NEXMIF: variants seen among roughly 807,000 people sequenced by gnomAD.
The protein encoded by NEXMIF is XLMR protein related to neurite extension.
A neutral mutation model predicts 62.1 loss-of-function variants in NEXMIF; 8 were observed. The ratio of observed to expected loss-of-function variants is 0.13; its 90% CI spans 0.08 to 0.23. The LOEUF (loss-of-function observed/expected upper bound fraction) is 0.23, where lower values mean the gene tolerates loss of function less well. NEXMIF is among the 10% of genes least tolerant of loss of function. The pLI, the probability that NEXMIF is intolerant of heterozygous loss-of-function variation, is 1.00. For synonymous variants in NEXMIF, 404 were observed against 416.6 expected (o/e 0.97, Z 0.37); for missense variants, 976 against 1,113.3 (o/e 0.88, Z 1.75).
intron 1 of NEXMIF, among the ~76,000 whole-genome samples, chrX:74,885,690 C>G (rs769768603): frequency 9.0e-6 from 1 of 111,480 alleles, no homozygotes; most frequent in African/African-American, 3.3e-5. Context: ...AGGGACCAGA[C>G]GGATTCACAG....
chrX:74,766,599 A>G lies in NEXMIF; in HGVS notation c.-47-20902T>C, dbSNP rs185392457. 2.2e-4 allele frequency among the ~76,000 whole-genome samples: 24 copies of G among 111,391 alleles called. No individual in the cohort carries two copies. In the East Asian group the frequency reaches 6.5e-3, roughly 30 times the overall value. On this transcript the variant is annotated intron_variant, in intron 1 of 3. Coordinates refer to ENST00000055682, the MANE Select transcript of NEXMIF (RefSeq NM_001008537.3). ...ATCAGATCTGTTAGTTTCCTTTTTT[A>G]TACTGGCTATTTCATCTGTCAGCTC...
intron 1 of NEXMIF, among the ~76,000 whole-genome samples, chrX:74,829,786 C>A (rs1009942867): frequency 3.6e-5 from 4 of 111,672 alleles, no homozygotes; most frequent in Non-Finnish European, 7.5e-5. Flanking sequence ...TACCTTTGAT[C>A]ATCTCTGATG....
rs2080088161 is a variant in NEXMIF at position 74,737,357 on chromosome X, T to C, written c.*2048A>G. On this transcript the variant is annotated 3_prime_UTR_variant, in exon 4 of 4. Coordinates refer to ENST00000055682, the MANE Select transcript of NEXMIF (RefSeq NM_001008537.3). ...GAGAAATAGAAGAAGGTTTTCCAGT[T>C]TGGTTATTTTCCCTTTTGAATGGTA... 8.9e-6 allele frequency: 1 copy of C among 111,817 alleles called. No individual in the cohort carries two copies. Among genetic ancestry groups the C allele is most frequent in the Non-Finnish European group, 1.9e-5 (1 of 53,160 alleles). 9.2% of individuals were successfully genotyped at this position (111,817 alleles called of 1,213,427 possible).
intron 1 of NEXMIF, among the ~76,000 whole-genome samples, chrX:74,841,265 T>A (rs982714257): frequency 8.9e-6 from 1 of 111,804 alleles, no homozygotes; most frequent in Non-Finnish European, 1.9e-5. Context: ...TCTTTCTGAT[T>A]TGGCTCTCGG....
chrX:74,857,981 G>A (rs1230643534), intron 1 of NEXMIF, among the ~76,000 whole-genome samples: 1 of 112,097 alleles, frequency 8.9e-6, no homozygotes, highest in Non-Finnish European at 1.9e-5. Flanking sequence ...CCTGATTTGA[G>A]TGCCAGCTCA....
intron 1 of NEXMIF, among the ~76,000 whole-genome samples, chrX:74,885,005 C>T (rs1251091964): frequency 9.0e-6 from 1 of 110,662 alleles, no homozygotes; most frequent in Non-Finnish European, 1.9e-5. Flanking sequence ...CTCAAAACCA[C>T]TCAACTACAT....
chrX:74,854,044 T>A (rs189608843), intron 1 of NEXMIF, among the ~76,000 whole-genome samples: 76 of 111,919 alleles, frequency 6.8e-4, no homozygotes, highest in Admixed American at 2.7e-3. Flanking sequence ...TTCAAAAAAA[T>A]TGAAGCAAAT....
At chrX:74,879,313 A>G (rs2080653165) in intron 1 of NEXMIF, among the ~76,000 whole-genome samples, 1 of 112,213 alleles carries the variant, frequency 8.9e-6, no homozygotes, top group East Asian at 2.8e-4. Flanking sequence ...GATGACAAAC[A>G]TTAATCTACA....
intron 1 of NEXMIF, among the ~76,000 whole-genome samples, chrX:74,796,209 T>TTATATATATACATATATAATA (rs1556024039): frequency 1.3e-3 from 59 of 46,590 alleles, no homozygotes; most frequent in Admixed American, 2.2e-3. Flanking sequence ...TACATATATA[T>TTATATATATACATATATAATA]TATATATATA....
chrX:74,793,104 C>T (rs1313863544), intron 1 of NEXMIF, among the ~76,000 whole-genome samples: 7 of 110,809 alleles, frequency 6.3e-5, no homozygotes, highest in African/African-American at 1.6e-4. Flanking sequence ...GATTTTGCAG[C>T]GGCTGGTTCC....
intron 1 of NEXMIF, among the ~76,000 whole-genome samples, chrX:74,906,929 G>T (rs983189101): frequency 1.8e-5 from 2 of 111,188 alleles, no homozygotes; most frequent in Non-Finnish European, 3.8e-5. Flanking sequence ...TCAACTCACT[G>T]TCTGATTTCC....
chrX:74,924,127 C>T (rs1331547498), intron 1 of NEXMIF, among the ~76,000 whole-genome samples: 1 of 111,989 alleles, frequency 8.9e-6, no homozygotes, highest in Non-Finnish European at 1.9e-5. Context: ...TCCACACTTT[C>T]CCGGAGCGGG....
chrX:74,903,785 ACTTTC>A (rs1478161734), intron 1 of NEXMIF, among the ~76,000 whole-genome samples: 3 of 111,326 alleles, frequency 2.7e-5, no homozygotes, highest in African/African-American at 9.8e-5. Flanking sequence ...ATAAACCGTC[ACTTTC>A]CTTTCTCCCA....
chrX:74,821,630 C>T (rs2080396387), intron 1 of NEXMIF, among the ~76,000 whole-genome samples: 1 of 112,028 alleles, frequency 8.9e-6, no homozygotes. Context: ...CAATCTCCTC[C>T]CTTTCCCTCT....
rs2080079429 is a variant in NEXMIF, at chrX:74,734,099, A to G, written c.*5306T>C. 1 of 112,344 alleles carries G rather than the reference A, an allele frequency of 8.9e-6. No individual in the cohort carries two copies. Among genetic ancestry groups the G allele is most frequent in the Non-Finnish European group, 1.9e-5 (1 of 53,205 alleles). The allele number at this position is 112,344 out of a possible 1,213,427, so 9.3% of individuals were successfully genotyped here. A position where few individuals can be genotyped will look rare whatever the true frequency, so the allele number is the denominator to read the frequency against. ...TTTATAAAGCTTAACTCTAAAAGAA[A>G]AAAAAAGGCAAATAATTTCCTAACA... On this transcript the variant is annotated 3_prime_UTR_variant, in exon 4 of 4. Coordinates refer to ENST00000055682, the MANE Select transcript of NEXMIF (RefSeq NM_001008537.3).
intron 1 of NEXMIF, among the ~76,000 whole-genome samples, chrX:74,825,900 T>G (rs1731896209): frequency 8.9e-6 from 1 of 112,679 alleles, no homozygotes; most frequent in Non-Finnish European, 1.9e-5. Context: ...GTACCACATT[T>G]CCTTTATCCT....
At chrX:74,818,113 A>T (rs1460800070) in intron 1 of NEXMIF, among the ~76,000 whole-genome samples, 3 of 110,992 alleles carry the variant, frequency 2.7e-5, no homozygotes, top group Non-Finnish European at 5.7e-5. Context: ...ATTATAAAAA[A>T]AATTATAAAA....
intron 1 of NEXMIF, among the ~76,000 whole-genome samples, chrX:74,761,221 G>A (rs992930765): frequency 1.1e-4 from 12 of 111,148 alleles, no homozygotes; most frequent in Non-Finnish European, 1.7e-4. Context: ...TCAGGATGAT[G>A]CTGGCCTCAT....
chrX:74,784,554 T>C (rs1450426763), intron 1 of NEXMIF, among the ~76,000 whole-genome samples: 1 of 110,905 alleles, frequency 9.0e-6, no homozygotes, highest in Non-Finnish European at 1.9e-5. Context: ...CTCATATGTA[T>C]AATAATCCCT....
Sources: allele counts gnomAD v4.1 joint callset (sites outside exome capture counted in the v4.1 genomes callset), GRCh38; gene constraint gnomAD v4.1.1; transcripts MANE v1.5; gene names NCBI Gene and HGNC (gene_info 2026-07-23, HGNC 2026-07-21).